Variants in FTO observed in about 807,000 individuals in gnomAD.
The protein encoded by FTO is FTO alpha-ketoglutarate dependent dioxygenase, also known as alpha-ketoglutarate-dependent dioxygenase FTO.
FTO carries 47 observed loss-of-function variants against 63.9 expected under a neutral mutation model. The observed-to-expected ratio is 0.74, with a 90% confidence interval of 0.58 to 0.94. FTO has a LOEUF of 0.94. Among genes scored for constraint, FTO ranks in the 40% least tolerant of loss-of-function variants. The pLI is 0.00. For synonymous variants in FTO, 207 were observed against 224.4 expected (o/e 0.92, Z 0.69); for missense variants, 562 against 618.1 (o/e 0.91, Z 0.96).
At chr16:53,816,062 C>G (rs1397372466) in intron 2 of FTO, among the ~76,000 whole-genome samples, 1 of 152,134 alleles carries the variant, frequency 6.6e-6, no homozygotes. Flanking sequence ...CACCCTGACT[C>G]TGCTGTGCCC....
In FTO at chr16:54,087,853, G is replaced by T. The variant is rs2086284629; in HGVS notation, c.1365-23909G>T. ...TGCAAAGAAATTGTTTCACCTAGTT[G>T]ACTTCAAAGTACTGTATTGACCAAG... On this transcript the variant is annotated intron_variant, in intron 8 of 8. Coordinates refer to ENST00000471389, the MANE Select transcript of FTO (RefSeq NM_001080432.3). Among the ~76,000 whole-genome samples the T allele has an allele frequency of 2.0e-5, 3 of 152,108 alleles. No individual in the cohort carries two copies. In the South Asian group the frequency reaches 6.2e-4, roughly 32 times the overall value.
chr16:54,104,903 A>G (rs2689270), intron 8 of FTO, among the ~76,000 whole-genome samples: 4,230 of 152,344 alleles, frequency 0.028, 215 homozygotes, highest in African/African-American at 0.097. Flanking sequence ...TTGCATGATC[A>G]CTAGATTGAT....
chr16:53,898,207 C>T (rs2081317705), intron 7 of FTO, among the ~76,000 whole-genome samples: 1 of 151,746 alleles, frequency 6.6e-6, no homozygotes, highest in South Asian at 2.1e-4. Flanking sequence ...ATCAGTGCTC[C>T]CCCTCTTTCC....
chr16:53,711,953 C>T (rs774697733), intron 1 of FTO, among the ~76,000 whole-genome samples: 7 of 152,136 alleles, frequency 4.6e-5, no homozygotes, highest in Non-Finnish European at 1.0e-4. Context: ...TGGCCAAATG[C>T]AGTGGCTTAT....
At chr16:53,879,036 T>C (rs929147341) in intron 5 of FTO, among the ~76,000 whole-genome samples, 1 of 152,228 alleles carries the variant, frequency 6.6e-6, no homozygotes, top group Non-Finnish European at 1.5e-5. Flanking sequence ...GAACCATTTA[T>C]TGTGCTTTTG....
intron 4 of FTO, among the ~76,000 whole-genome samples, chr16:53,845,536 A>G (rs1339582974): frequency 1.3e-5 from 2 of 152,228 alleles, no homozygotes; most frequent in African/African-American, 4.8e-5. Flanking sequence ...TTCTGCCTAA[A>G]TAAAGTAACT....
intron 1 of FTO, among the ~76,000 whole-genome samples, chr16:53,808,040 C>G (rs1430265781): frequency 1.3e-5 from 2 of 152,094 alleles, no homozygotes; most frequent in African/African-American, 4.8e-5. Context: ...TATGGTAGCT[C>G]ACTTCTGTAA....
At position 53,845,756 on chromosome 16, in the gene FTO, A is replaced by G. The variant is rs146182423; in HGVS notation, c.895+1458A>G. Among the ~76,000 whole-genome samples the G allele has an allele frequency of 5.1e-3, 775 of 152,346 alleles. 3 individuals carry two copies. The highest frequency in any genetic ancestry group is 8.9e-3 in the Non-Finnish European group (602 of 68,022). On this transcript the variant is annotated intron_variant, in intron 4 of 8. Coordinates refer to ENST00000471389, the MANE Select transcript of FTO (RefSeq NM_001080432.3). ...TGTTTGTTAAAAGAGGAGATTAGTA[A>G]CAGAGAGGTGTTAACTGTATAGTGG...
At chr16:53,941,700 T>C (rs1290862390) in intron 8 of FTO, among the ~76,000 whole-genome samples, 1 of 152,062 alleles carries the variant, frequency 6.6e-6, no homozygotes, top group Admixed American at 6.5e-5. Context: ...TGCAAACAAC[T>C]AGCCAGGCAC....
At chr16:54,085,177 T>A (rs1304555466) in intron 8 of FTO, among the ~76,000 whole-genome samples, 1 of 152,204 alleles carries the variant, frequency 6.6e-6, no homozygotes, top group Non-Finnish European at 1.5e-5. Flanking sequence ...GGGCAGAGTG[T>A]ATACTTCTGT....
At chr16:54,053,303 C>T (rs1370654696) in intron 8 of FTO, among the ~76,000 whole-genome samples, 1 of 152,184 alleles carries the variant, frequency 6.6e-6, no homozygotes, top group Non-Finnish European at 1.5e-5. Flanking sequence ...TATCCTGATC[C>T]TTCGTATCTC....
chr16:53,994,764 C>T (rs965179732), intron 8 of FTO, among the ~76,000 whole-genome samples: 1 of 151,780 alleles, frequency 6.6e-6, no homozygotes, highest in African/African-American at 2.4e-5. Context: ...GACAAGGTCT[C>T]GCTCTGTTGT....
intron 8 of FTO, among the ~76,000 whole-genome samples, chr16:54,004,136 A>G (rs911363544): frequency 3.2e-4 from 48 of 152,340 alleles, no homozygotes; most frequent in African/African-American, 1.1e-3. Flanking sequence ...TTATTATTGC[A>G]TTACAACTTT....
Position 53,880,230 on chromosome 16 carries a change from C to T in FTO, c.1119+243C>T, listed in dbSNP as rs369039379. On this transcript the variant is annotated intron_variant, in intron 6 of 8. Transcript: ENST00000471389. ...CAGGCTGGTCTCGAACTCCTGACCT[C>T]AAGTGATCTGCCCGCCTCAGCCTCC... Among the ~76,000 whole-genome samples the T allele has an allele frequency of 3.5e-4, 54 of 152,250 alleles. No individual in the cohort carries two copies. In the East Asian group the frequency reaches 4.5e-3, roughly 13 times the overall value.
intron 8 of FTO, among the ~76,000 whole-genome samples, chr16:54,089,091 A>T (rs934641069): frequency 2.6e-5 from 4 of 152,220 alleles, no homozygotes; most frequent in African/African-American, 9.6e-5. Flanking sequence ...AGGTACTGTC[A>T]TTCCTCTGGA....
At chr16:54,029,549 G>A (rs1358185505) in intron 8 of FTO, among the ~76,000 whole-genome samples, 1 of 152,212 alleles carries the variant, frequency 6.6e-6, no homozygotes, top group East Asian at 1.9e-4. Flanking sequence ...GTGTTCATTA[G>A]TCCCTGTAAC....
intron 7 of FTO, among the ~76,000 whole-genome samples, chr16:53,919,833 G>A (rs894434631): frequency 6.6e-6 from 1 of 152,098 alleles, no homozygotes; most frequent in South Asian, 2.1e-4. Flanking sequence ...GGGACTTGGG[G>A]AAAAGGGTGG....
At chr16:53,900,914 A>G (rs923139276) in intron 7 of FTO, among the ~76,000 whole-genome samples, 28 of 152,310 alleles carry the variant, frequency 1.8e-4, no homozygotes, top group African/African-American at 6.5e-4. Flanking sequence ...AGATAAGATT[A>G]GGAAGATTAG....
At chr16:53,933,255 G>A (rs931417701) in intron 7 of FTO, among the ~76,000 whole-genome samples, 14 of 152,096 alleles carry the variant, frequency 9.2e-5, no homozygotes, top group African/African-American at 3.4e-4. Context: ...TTAGAACACA[G>A]ACAATTTCAT....
Sources: gnomAD v4.1 joint callset for allele counts (sites outside exome capture counted in the v4.1 genomes callset) on GRCh38, gnomAD v4.1.1 for gene constraint, MANE v1.5 for transcripts, NCBI Gene and HGNC (gene_info 2026-07-23, HGNC 2026-07-21) for gene names.